Variants in NUP107 observed in about 807,000 individuals in gnomAD.
NUP107 encodes the protein nuclear pore complex protein Nup107.
NUP107 carries 101 observed loss-of-function variants against 141.0 expected under a neutral mutation model. The ratio of observed to expected loss-of-function variants is 0.72; its 90% confidence interval spans 0.61 to 0.84. NUP107 has a LOEUF of 0.84. NUP107 is among the 40% of genes least tolerant of loss of function. The pLI is 0.00. For synonymous variants in NUP107, 319 were observed against 363.9 expected, an observed-to-expected ratio of 0.88 and a Z score of 1.41; for missense variants, 941 against 1,102.7, an observed-to-expected ratio of 0.85 and a Z score of 2.08.
intron 12 of NUP107, among the ~76,000 whole-genome samples, chr12:68,717,007 C>G (rs1365783911): frequency 6.6e-6 from 1 of 152,062 alleles, no homozygotes; most frequent in Non-Finnish European, 1.5e-5. Context: ...AAGCAATTCT[C>G]CTGCCTCAGC....
chr12:68,700,888 A>G, intron 7 of NUP107, 35 bp downstream of exon 7: 1 of 1,518,900 alleles, frequency 6.6e-7, no homozygotes. Flanking sequence ...TGAAATAAAC[A>G]TAAGGTAATA....
chr12:68,692,720 C>T (rs1183808353), intron 5 of NUP107, among the ~76,000 whole-genome samples: 1 of 151,622 alleles, frequency 6.6e-6, no homozygotes, highest in African/African-American at 2.4e-5. Flanking sequence ...ATAGTTGGGA[C>T]TGCAGGCATG....
intron 26 of NUP107, among the ~76,000 whole-genome samples, chr12:68,739,500 T>A (rs1473841633): frequency 3.3e-5 from 5 of 152,172 alleles, no homozygotes. Flanking sequence ...TCCAATCAAC[T>A]CTTGCTATCA....
At chr12:68,725,499 C>T (rs1256970664) in intron 17 of NUP107, among the ~76,000 whole-genome samples, 1 of 152,192 alleles carries the variant, frequency 6.6e-6, no homozygotes, top group African/African-American at 2.4e-5. Context: ...ACATAGGTCT[C>T]TACTTTCAAA....
At chr12:68,696,383 A>G (rs1160514155) in intron 5 of NUP107, among the ~76,000 whole-genome samples, 1 of 148,610 alleles carries the variant, frequency 6.7e-6, no homozygotes, top group Non-Finnish European at 1.5e-5. Context: ...TTTTTTTAAT[A>G]TAGCAGTGAA....
intron 1 of NUP107, 117 bp from the exon 2 acceptor site, chr12:68,688,845 A>G (rs1875633671): frequency 1.3e-5 from 8 of 597,620 alleles, no homozygotes; most frequent in East Asian, 9.3e-5. Flanking sequence ...AGACTTGGCT[A>G]CTAGAATGAC....
At chr12:68,698,978 A>T (rs1252254894) in intron 6 of NUP107, among the ~76,000 whole-genome samples, 1 of 152,156 alleles carries the variant, frequency 6.6e-6, no homozygotes, top group Non-Finnish European at 1.5e-5. Context: ...GTTGTAACAG[A>T]TATACCATTC....
At chr12:68,700,979 C>T (rs1323044793) in intron 7 of NUP107, 126 bp downstream of exon 7, 6 of 863,130 alleles carry the variant, frequency 7.0e-6, no homozygotes, top group South Asian at 4.4e-5. Context: ...CTTATCATTT[C>T]GAATACCTTA....
intron 23 of NUP107, 112 bp downstream of exon 23, chr12:68,732,851 T>A (rs1423941140): frequency 4.9e-6 from 3 of 610,492 alleles, no homozygotes; most frequent in Non-Finnish European, 5.4e-6. Flanking sequence ...ACCTAATTTT[T>A]AAAAAATTTT....
At chr12:68,714,035 C>G in intron 11 of NUP107, 1 of 463,914 alleles carries the variant, frequency 2.2e-6, no homozygotes, top group Non-Finnish European at 3.7e-6. Flanking sequence ...CTTAACTTGA[C>G]AGCATTAAAA....
At position 68,713,699 on chromosome 12, in the gene NUP107, TA is replaced by T. The variant is rs764695807; in HGVS notation, c.891-25del. 9.3e-6 allele frequency: 14 copies of T among 1,508,488 alleles called. No homozygotes were observed. In the East Asian group the frequency reaches 2.3e-4, roughly 24 times the overall value. The allele number at this position is 1,508,488 out of a possible 1,614,324, so 93.4% of individuals were successfully genotyped here. A position where few individuals can be genotyped will look rare whatever the true frequency, so the allele number is the denominator to read the frequency against. ...AAATAGACCTATTAAAATTACCTCT[TA>T]AAAAATTTGGTACTTATTATTTCTT... On this transcript the variant is annotated intron_variant, in intron 10 of 27. Transcript: ENST00000229179.
At chr12:68,714,285 A>G (rs1264897535) in intron 11 of NUP107, 1 of 152,346 alleles carries the variant, frequency 6.6e-6, no homozygotes, top group Admixed American at 6.5e-5. Flanking sequence ...GAGAGAAATA[A>G]GTAACAATTG....
chr12:68,719,642 A>C lies in NUP107; in HGVS notation c.1239A>C (p.Arg413Ser), dbSNP rs767871343. ...GCATTTGGAAAATAAGTTGCTGGAG[A>C]ATGGCAGAAGATGTAAGATAAATAA... ...YRRIWKISCW[R>S]MAEDELFNRY... Residue 413 changes from arginine (R) to serine (S), a missense_variant, in exon 14 of 28, where the codon AGA (arginine) becomes AGC (serine). Arg to Ser is a moderately radical substitution (Grantham distance 110). Coordinates refer to ENST00000229179, the MANE Select transcript of NUP107 (RefSeq NM_020401.4). The C allele has an allele frequency of 1.2e-6, 2 of 1,607,824 alleles. No individual in the cohort carries two copies. The highest frequency in any genetic ancestry group is 2.2e-5 in the South Asian group (2 of 90,910).
chr12:68,690,882 C>G (rs753993887), intron 4 of NUP107, 136 bp downstream of exon 4: 3 of 762,224 alleles, frequency 3.9e-6, no homozygotes, highest in Non-Finnish European at 6.2e-6. Flanking sequence ...GAGTTTGAGA[C>G]TAGCCTGCTT....
At chr12:68,694,381 A>C (rs1875949152) in intron 5 of NUP107, among the ~76,000 whole-genome samples, 1 of 152,222 alleles carries the variant, frequency 6.6e-6, no homozygotes, top group African/African-American at 2.4e-5. Context: ...TGAGATCTTA[A>C]AAGACCTTTA....
At chr12:68,731,952 A>C (rs775830366) in intron 22 of NUP107, among the ~76,000 whole-genome samples, 1 of 152,288 alleles carries the variant, frequency 6.6e-6, no homozygotes, top group East Asian at 1.9e-4. Flanking sequence ...CTTGTTGCTC[A>C]TCAGGTTATT....
In NUP107 at chr12:68,700,754, G is replaced by A. The variant is rs759486854; in HGVS notation, c.581G>A (p.Arg194Gln). ...AATATACTGAGTAAAATAGTGAGTC[G>A]AGCAACACCTGGACTTCAAAAATTT... ...QVNILSKIVS[R>Q]ATPGLQKFSK... The change falls in exon 7 of 28, where the codon CGA becomes CAA. Residue 194 changes from arginine to glutamine, a missense_variant. By Grantham distance (43) the Arg-to-Gln change is conservative (BLOSUM62 1). Coordinates refer to ENST00000229179, the MANE Select transcript of NUP107 (RefSeq NM_020401.4). The A allele has an allele frequency of 5.0e-6, 8 of 1,609,852 alleles. No individual in the cohort carries two copies. The highest frequency in any genetic ancestry group is 5.9e-6 in the Non-Finnish European group (7 of 1,178,832).
intron 5 of NUP107, 107 bp from the exon 6 acceptor site, chr12:68,696,712 T>C (rs1876074469): frequency 1.5e-6 from 1 of 653,640 alleles, no homozygotes; most frequent in Non-Finnish European, 2.5e-6. Context: ...AAACTCCATC[T>C]CAAAAAATAA....
chr12:68,728,189 T>C (rs1877645734), intron 20 of NUP107, among the ~76,000 whole-genome samples: 1 of 149,292 alleles, frequency 6.7e-6, no homozygotes, highest in Non-Finnish European at 1.5e-5. Context: ...CTCGGGAGGC[T>C]GAGGCAGGAA....
Sources: gnomAD v4.1 joint callset for allele counts (sites outside exome capture counted in the v4.1 genomes callset) on GRCh38, gnomAD v4.1.1 for gene constraint, MANE v1.5 for transcripts, NCBI Gene and HGNC (gene_info 2026-07-23, HGNC 2026-07-21) for gene names.